AUTS2: variants seen among roughly 807,000 people sequenced by gnomAD.
AUTS2 encodes activator of transcription and developmental regulator AUTS2, also known as autism susceptibility gene 2 protein.
In AUTS2, 17 loss-of-function variants were observed where a neutral mutation model predicts 112.4. The ratio of observed to expected loss-of-function variants is 0.15; its 90% CI spans 0.10 to 0.23. The LOEUF (loss-of-function observed/expected upper bound fraction) is 0.23, where lower values mean the gene tolerates loss of function less well. AUTS2 is among the 10% of genes least tolerant of loss of function. The pLI is 1.00. For missense variants in AUTS2, 1,510 were observed against 1,701.6 expected, an observed-to-expected ratio of 0.89 and a Z score of 1.98; for synonymous variants, 751 against 702.7, an observed-to-expected ratio of 1.07 and a Z score of -1.09.
intron 1 of AUTS2, among the ~76,000 whole-genome samples, chr7:69,802,347 T>A (rs752852720): frequency 2.6e-4 from 40 of 152,182 alleles, no homozygotes; most frequent in Non-Finnish European, 4.7e-4. Context: ...TCTCAGATCT[T>A]GTTTTTCCTT....
chr7:70,776,284 G>GTAGAT (rs1444501992), intron 13 of AUTS2, among the ~76,000 whole-genome samples: 3 of 152,186 alleles, frequency 2.0e-5, no homozygotes, highest in Non-Finnish European at 2.9e-5. Flanking sequence ...GAGCTTATGG[G>GTAGAT]TAGATTACTT....
At chr7:70,545,902 A>G (rs935278179) in intron 5 of AUTS2, among the ~76,000 whole-genome samples, 18 of 152,212 alleles carry the variant, frequency 1.2e-4, no homozygotes, top group African/African-American at 4.3e-4. Flanking sequence ...AAGACTGGCC[A>G]TGGACTGATC....
intron 5 of AUTS2, among the ~76,000 whole-genome samples, chr7:70,558,413 G>T (rs776156659): frequency 6.6e-6 from 1 of 152,122 alleles, no homozygotes; most frequent in Non-Finnish European, 1.5e-5. Context: ...CCATGAAGGG[G>T]CACCTAGAGC....
chr7:69,653,425 C>T (rs1451970670), intron 1 of AUTS2, among the ~76,000 whole-genome samples: 1 of 152,172 alleles, frequency 6.6e-6, no homozygotes, highest in Non-Finnish European at 1.5e-5. Context: ...TATCTCTCTC[C>T]AGCACTCCTG....
chr7:69,840,608 C>T (rs542264303), intron 1 of AUTS2, among the ~76,000 whole-genome samples: 4 of 152,148 alleles, frequency 2.6e-5, no homozygotes, highest in Non-Finnish European at 5.9e-5. Context: ...AAGAGAATTA[C>T]TGCAACTGAG....
At chr7:70,297,539 C>G (rs1336860509) in intron 4 of AUTS2, among the ~76,000 whole-genome samples, 1 of 151,776 alleles carries the variant, frequency 6.6e-6, no homozygotes, top group African/African-American at 2.4e-5. Flanking sequence ...ACGCCATTCT[C>G]CTGCCCCAGC....
At position 70,016,209 on chromosome 7, in the gene AUTS2, C is replaced by A. The variant is rs560317496; in HGVS notation, c.523-101923C>A. On this transcript the variant is annotated intron_variant, in intron 2 of 18. Coordinates refer to ENST00000342771, the MANE Select transcript of AUTS2 (RefSeq NM_015570.4). ...CAAGGGAATATTTTCTTCATGATAA[C>A]AGTGACCTGAATTGGACAGAAAGCA... Among the ~76,000 whole-genome samples, 3 of 152,194 alleles carry A rather than the reference C, an allele frequency of 2.0e-5. No individual in the cohort carries two copies. The South Asian group carries it at 6.2e-4, about 32-fold the overall frequency.
rs540515513 is a variant in AUTS2 at position 69,964,617 on chromosome 7, C to G, written c.522+65119C>G. Among the ~76,000 whole-genome samples the G allele has an allele frequency of 2.0e-5, 3 of 151,924 alleles. No individual in the cohort carries two copies. In the South Asian group the frequency reaches 6.3e-4, roughly 32 times the overall value. ...CATAAAGCCTATGAATGAGTCTTAA[C>G]TACTTGATTACCCAGATTCTAGCTT... is the stretch of plus-strand genomic sequence containing the variant. On this transcript the variant is annotated intron_variant, in intron 2 of 18. Coordinates refer to ENST00000342771, the MANE Select transcript of AUTS2 (RefSeq NM_015570.4).
At chr7:69,959,403 T>A (rs1018131300) in intron 2 of AUTS2, among the ~76,000 whole-genome samples, 2 of 152,156 alleles carry the variant, frequency 1.3e-5, no homozygotes, top group African/African-American at 2.4e-5. Context: ...TAATTACAAA[T>A]TTGGAGTCAG....
chr7:70,282,866 T>G (rs937294136), intron 4 of AUTS2, among the ~76,000 whole-genome samples: 1 of 152,204 alleles, frequency 6.6e-6, no homozygotes, highest in Non-Finnish European at 1.5e-5. Flanking sequence ...GCCTCCATCC[T>G]GATGTATATC....
At chr7:69,767,800 C>A (rs569505162) in intron 1 of AUTS2, among the ~76,000 whole-genome samples, 1 of 152,190 alleles carries the variant, frequency 6.6e-6, no homozygotes, top group Non-Finnish European at 1.5e-5. Context: ...TTGGGGGATC[C>A]CCCTCTTCAT....
chr7:70,633,018 G>A (rs183246919), intron 5 of AUTS2, among the ~76,000 whole-genome samples: 25 of 152,330 alleles, frequency 1.6e-4, no homozygotes, highest in African/African-American at 5.8e-4. Context: ...TTGGTCTGGA[G>A]GATAATGGAA....
At chr7:70,262,381 G>A (rs1010567710) in intron 4 of AUTS2, among the ~76,000 whole-genome samples, 6 of 152,010 alleles carry the variant, frequency 3.9e-5, no homozygotes, top group African/African-American at 1.2e-4. Flanking sequence ...CTAGAGACGA[G>A]GTTTCACCAT....
At chr7:70,424,053 A>G (rs1336994012) in intron 4 of AUTS2, among the ~76,000 whole-genome samples, 1 of 152,154 alleles carries the variant, frequency 6.6e-6, no homozygotes, top group East Asian at 1.9e-4. Context: ...TTTAATTCTC[A>G]CAAAAATCCG....
intron 5 of AUTS2, among the ~76,000 whole-genome samples, chr7:70,663,823 A>C (rs1807197770): frequency 6.6e-6 from 1 of 152,206 alleles, no homozygotes; most frequent in African/African-American, 2.4e-5. Context: ...ATTAGTGGAT[A>C]ATAATCACTA....
chr7:70,328,953 C>T (rs905852203), intron 4 of AUTS2, among the ~76,000 whole-genome samples: 1 of 152,164 alleles, frequency 6.6e-6, no homozygotes, highest in African/African-American at 2.4e-5. Flanking sequence ...ATCCCTTCCT[C>T]CCCATTGCCC....
Position 70,562,566 on chromosome 7 carries a change from A to T in AUTS2, c.690+126785A>T, listed in dbSNP as rs571937959. On this transcript the variant is annotated intron_variant, in intron 5 of 18. Coordinates refer to ENST00000342771, the MANE Select transcript of AUTS2 (RefSeq NM_015570.4). ...ACTGTTTCATTTACATACCTCTAGG[A>T]TAGCACTTACCACGTGGCATCATGA... 7.9e-5 allele frequency among the ~76,000 whole-genome samples: 12 copies of T among 152,274 alleles called. No homozygotes were observed. The South Asian group carries it at 2.5e-3, about 32-fold the overall frequency.
intron 5 of AUTS2, among the ~76,000 whole-genome samples, chr7:70,491,189 A>G (rs542644103): frequency 6.6e-6 from 1 of 152,096 alleles, no homozygotes; most frequent in Non-Finnish European, 1.5e-5. Flanking sequence ...TCTTTGTGCA[A>G]CTGGCCTTCC....
intron 4 of AUTS2, among the ~76,000 whole-genome samples, chr7:70,389,656 G>T (rs1793764208): frequency 6.6e-6 from 1 of 151,650 alleles, no homozygotes; most frequent in Non-Finnish European, 1.5e-5. Flanking sequence ...CATTTTATGT[G>T]CCATGTGCCT....
Sources: allele counts gnomAD v4.1 joint callset (sites outside exome capture counted in the v4.1 genomes callset), GRCh38; gene constraint gnomAD v4.1.1; transcripts MANE v1.5; gene names NCBI Gene and HGNC (gene_info 2026-07-23, HGNC 2026-07-21).